NUP153: variants seen among roughly 807,000 people sequenced by gnomAD.
The protein encoded by NUP153 is nucleoporin 153.
NUP153 carries 27 observed loss-of-function variants against 134.6 expected under a neutral mutation model. The observed-to-expected ratio is 0.20, with a 90% CI of 0.15 to 0.28. The LOEUF (loss-of-function observed/expected upper bound fraction) is 0.28. NUP153 is among the 10% of genes least tolerant of loss of function. NUP153 has a pLI of 1.00. For missense variants in NUP153, 1,821 were observed against 1,731.3 expected (o/e 1.05, Z -0.92); for synonymous variants, 640 against 623.5 (o/e 1.03, Z -0.40).
At chr6:17,624,423 A>G in intron 20 of NUP153, 138 bp downstream of exon 20, 1 of 757,748 alleles carries the variant, frequency 1.3e-6, no homozygotes, top group Non-Finnish European at 2.1e-6. Flanking sequence ...TATAAATCCA[A>G]CCATATTACC....
At chr6:17,644,199 CTT>C (rs920083430) in intron 14 of NUP153, among the ~76,000 whole-genome samples, 1 of 152,098 alleles carries the variant, frequency 6.6e-6, no homozygotes, top group African/African-American at 2.4e-5. Flanking sequence ...TTTAATCTAT[CTT>C]TTGAGGATCT....
intron 11 of NUP153, among the ~76,000 whole-genome samples, chr6:17,660,732 T>C (rs746541592): frequency 6.6e-6 from 1 of 152,096 alleles, no homozygotes; most frequent in Non-Finnish European, 1.5e-5. Context: ...ACTGCAAAAC[T>C]ATCTTGAAGA....
intron 2 of NUP153, among the ~76,000 whole-genome samples, chr6:17,686,017 A>T (rs1581761767): frequency 6.6e-6 from 1 of 152,156 alleles, no homozygotes; most frequent in East Asian, 1.9e-4. Context: ...GCGTGGTAGC[A>T]CACGCCTATA....
At chr6:17,685,365 G>A (rs1012092597) in intron 2 of NUP153, among the ~76,000 whole-genome samples, 4 of 151,942 alleles carry the variant, frequency 2.6e-5, no homozygotes, top group African/African-American at 9.7e-5. Context: ...GGCTAACACG[G>A]AGAAACCCCG....
At chr6:17,664,472 G>A (rs978095397) in intron 9 of NUP153, among the ~76,000 whole-genome samples, 3 of 152,146 alleles carry the variant, frequency 2.0e-5, no homozygotes, top group South Asian at 2.1e-4. Flanking sequence ...AACCTTGCTC[G>A]AGTCCTGGTT....
chr6:17,670,573 T>TA (rs1767844933), intron 5 of NUP153, among the ~76,000 whole-genome samples: 1 of 152,210 alleles, frequency 6.6e-6, no homozygotes, highest in African/African-American at 2.4e-5. Context: ...AGTATGATGT[T>TA]AAACAGTAGC....
intron 14 of NUP153, among the ~76,000 whole-genome samples, chr6:17,642,974 C>T (rs1171869404): frequency 1.3e-5 from 2 of 152,116 alleles, no homozygotes; most frequent in East Asian, 3.9e-4. Flanking sequence ...ATAAGTCAAT[C>T]CATAGAGACA....
At chr6:17,686,257 T>C (rs1292085727) in intron 2 of NUP153, among the ~76,000 whole-genome samples, 1 of 152,266 alleles carries the variant, frequency 6.6e-6, no homozygotes, top group Non-Finnish European at 1.5e-5. Context: ...TAGGAGATGA[T>C]AGCTCCATGG....
chr6:17,655,071 A>ATATACTGCTACATGTTTTG (rs1472815104), intron 11 of NUP153, among the ~76,000 whole-genome samples: 8 of 152,240 alleles, frequency 5.3e-5, no homozygotes, highest in Non-Finnish European at 1.0e-4. Context: ...AAGTCTTCTT[A>ATATACTGCTACATGTTTTG]TATACTGCTA....
intron 16 of NUP153, among the ~76,000 whole-genome samples, chr6:17,635,768 C>T (rs970638212): frequency 2.0e-5 from 3 of 152,136 alleles, no homozygotes; most frequent in African/African-American, 7.2e-5. Context: ...TTTTCAAATC[C>T]ATTATCTAAA....
rs748373449 is a variant in NUP153 at position 17,675,336 on chromosome 6, G to T, written c.616C>A (p.Pro206Thr). 1.2e-6 allele frequency: 2 copies of T among 1,614,030 alleles called. No individual in the cohort carries two copies. The highest frequency in any genetic ancestry group is 2.2e-5 in the South Asian group (2 of 91,072). Residue 206 changes from proline (P) to threonine (T), a missense_variant, in exon 4 of 22, where the codon CCT becomes ACT. By Grantham distance (38) the Pro-to-Thr change is conservative (BLOSUM62 -1). Coordinates refer to ENST00000262077, the MANE Select transcript of NUP153 (RefSeq NM_005124.4). The surrounding 1 kb of genome is among the most constrained non-coding windows in gnomAD (Gnocchi z 4.4). ...CGTTCAGCTTCTGGGGACCACAGAG[G>T]TGGCAATGAAGTGTTCTTTGAAACA... The part of the protein sequence containing the change: ...ITVSKNTSLP[P>T]LWSPEAERSH...
At chr6:17,617,157 GAC>G (rs1220175712) in intron 20 of NUP153, among the ~76,000 whole-genome samples, 1 of 152,096 alleles carries the variant, frequency 6.6e-6, no homozygotes, top group Non-Finnish European at 1.5e-5. Flanking sequence ...TTTCTCCACT[GAC>G]ACATAGTACA....
intron 9 of NUP153, among the ~76,000 whole-genome samples, chr6:17,662,762 G>C (rs2113817589): frequency 6.6e-6 from 1 of 152,294 alleles, no homozygotes; most frequent in Non-Finnish European, 1.5e-5. Context: ...TCTGAACAGT[G>C]AGAACAGCTC....
At chr6:17,691,217 A>T (rs1361827471) in intron 1 of NUP153, among the ~76,000 whole-genome samples, 1 of 152,162 alleles carries the variant, frequency 6.6e-6, no homozygotes, top group Non-Finnish European at 1.5e-5. Context: ...TATTGTGCAA[A>T]TTTTCAATAG....
chr6:17,620,095 CAAAAAAAAAA>C (rs58013807), intron 20 of NUP153, among the ~76,000 whole-genome samples: 14,155 of 63,924 alleles, frequency 0.22, 876 homozygotes, highest in South Asian at 0.44. Context: ...AAGACACCAT[CAAAAAAAAAA>C]AAAAAAAAAA....
intron 17 of NUP153, among the ~76,000 whole-genome samples, chr6:17,631,038 T>G (rs1765226660): frequency 6.6e-6 from 1 of 152,072 alleles, no homozygotes; most frequent in Non-Finnish European, 1.5e-5. Context: ...CAGAAAGAGA[T>G]AAAATGAACC....
chr6:17,689,695 T>C (rs1331651433), intron 1 of NUP153, among the ~76,000 whole-genome samples: 1 of 151,744 alleles, frequency 6.6e-6, no homozygotes, highest in Non-Finnish European at 1.5e-5. Context: ...CCAGCTAATT[T>C]TGTATTTTTA....
At chr6:17,698,943 T>C (rs551556484) in intron 1 of NUP153, among the ~76,000 whole-genome samples, 1 of 151,662 alleles carries the variant, frequency 6.6e-6, no homozygotes, top group Non-Finnish European at 1.5e-5. Flanking sequence ...CAAGATACTA[T>C]CACACTTTTT....
chr6:17,673,816 T>C (rs1212925209), intron 5 of NUP153, among the ~76,000 whole-genome samples: 2 of 152,228 alleles, frequency 1.3e-5, no homozygotes, highest in Non-Finnish European at 2.9e-5. Flanking sequence ...TAAAGTTTAC[T>C]GTATACTTAC....
Sources: gnomAD v4.1 joint callset for allele counts (sites outside exome capture counted in the v4.1 genomes callset) on GRCh38, gnomAD v4.1.1 for gene constraint, Gnocchi (gnomAD v3.1) non-coding constraint, MANE v1.5 for transcripts, NCBI Gene and HGNC (gene_info 2026-07-23, HGNC 2026-07-21) for gene names.